VPS52: variants seen among roughly 807,000 people sequenced by gnomAD.
VPS52 encodes VPS52 subunit of GARP complex, also known as vacuolar protein sorting-associated protein 52 homolog.
Under a neutral mutation model 98.7 loss-of-function variants are expected in VPS52, and 56 were observed. That is an observed-to-expected ratio of 0.57 (90% CI 0.46 to 0.71). VPS52 has a LOEUF of 0.71. VPS52 is among the 30% of genes least tolerant of loss of function. VPS52 has a pLI of 0.00. For missense variants in VPS52, 742 were observed against 925.9 expected (o/e 0.80, Z 2.58); for synonymous variants, 348 against 346.4 (o/e 1.00, Z -0.05).
intron 17 of VPS52, 123 bp downstream of exon 17, chr6:33,263,361 C>T: frequency 1.2e-6 from 1 of 858,354 alleles, no homozygotes. Context: ...TTCCGCATAC[C>T]TGAGATCCAT....
Position 33,268,916 on chromosome 6 carries a change from T to C in VPS52, c.548+98A>G, listed in dbSNP as rs180957382. On this transcript the variant is annotated intron_variant, in intron 6 of 19. Transcript: ENST00000445902. The surrounding 1 kb of genome is among the most constrained non-coding windows in gnomAD (Gnocchi z 4.0). ...CTGGCTACTAATTTCTAAAAAGCAC[T>C]TAACCTGGAGCCAGGAGACCCATAT... The C allele has an allele frequency of 5.2e-5, 78 of 1,492,304 alleles. No homozygotes were observed. The allele number at this position is 1,492,304 out of a possible 1,614,324, so 92.4% of individuals were successfully genotyped here. A position where few individuals can be genotyped will look rare whatever the true frequency, so the allele number is the denominator to read the frequency against.
At chr6:33,256,791 A>G (rs1763026945) in intron 17 of VPS52, among the ~76,000 whole-genome samples, 1 of 148,322 alleles carries the variant, frequency 6.7e-6, no homozygotes, top group African/African-American at 2.5e-5. Context: ...CAGTGCGCTG[A>G]GATTGTGGCC....
rs772451675 is a variant in VPS52 at position 33,264,022 on chromosome 6, G to A, written c.1606C>T (p.Leu536=). ...CCGACCCTCACCTGCAGCTGTCCCAGCAATTGCATGGTCCGTTCATTAGGA... is the reference window on the plus strand; with the variant it reads ...CCGACCCTCACCTGCAGCTGTCCCAACAATTGCATGGTCCGTTCATTAGGA... ...TIPNERTMQL[L]GQLQVEVENF... The change falls in exon 15 of 20, where the codon CTG becomes TTG. Residue 536 remains leucine, a synonymous_variant. Transcript: ENST00000445902. The A allele has an allele frequency of 6.2e-7, 1 of 1,614,222 alleles. No homozygotes were observed. Among genetic ancestry groups the A allele is most frequent in the Non-Finnish European group, 8.5e-7 (1 of 1,180,040 alleles).
chr6:33,253,655 T>C (rs188889572), intron 17 of VPS52, among the ~76,000 whole-genome samples: 4 of 151,950 alleles, frequency 2.6e-5, no homozygotes, highest in African/African-American at 9.7e-5. Context: ...CTTAGGAGGC[T>C]GAGGTGGGAG....
At chr6:33,264,310 C>A in intron 14 of VPS52, 64 bp downstream of exon 14, 2 of 1,595,086 alleles carry the variant, frequency 1.3e-6, no homozygotes, top group Non-Finnish European at 1.7e-6. Flanking sequence ...CCTTGGCCAA[C>A]CCCCACAATG....
intron 12 of VPS52, among the ~76,000 whole-genome samples, chr6:33,265,928 G>A (rs1199346284): frequency 2.6e-5 from 4 of 151,780 alleles, no homozygotes; most frequent in African/African-American, 9.7e-5. Flanking sequence ...GTGCAATGGC[G>A]CAATCTTGGC....
chr6:33,251,116 G>A, intron 19 of VPS52, 129 bp from the exon 20 acceptor site: 1 of 1,306,232 alleles, frequency 7.7e-7, no homozygotes, highest in Non-Finnish European at 1.1e-6. Context: ...GGCCATGGCG[G>A]GCAGATCACG....
At position 33,263,492 on chromosome 6, in the gene VPS52, G is replaced by A; in HGVS notation, c.1786C>T (p.Arg596Trp). Residue 596 changes from arginine to tryptophan, a missense_variant, in exon 17 of 20, where the codon CGG (arginine) becomes TGG (tryptophan). Arg to Trp is a moderately radical substitution (Grantham distance 101). Around this residue, in one of 2 missense-constraint regions of VPS52, gnomAD observed 590 missense variants for 793.3 expected, o/e 0.74. Transcript: ENST00000445902. ...VESFQQLLNA[R>W]TQEFIEELLS... is the part of the protein sequence containing the mutation. ...TTTCCCCACACCCCTACCTGTGTCC[G>A]AGCATTGAGCAGCTGCTGGAAGCTC... 2 of 1,613,596 alleles carry A rather than the reference G, an allele frequency of 1.2e-6. No individual in the cohort carries two copies. The highest frequency in any genetic ancestry group is 8.5e-7 in the Non-Finnish European group (1 of 1,179,964).
chr6:33,262,040 CAAAAAAAA>C (rs9257102), intron 17 of VPS52, among the ~76,000 whole-genome samples: 8 of 15,362 alleles, frequency 5.2e-4, no homozygotes, highest in African/African-American at 1.6e-3. Context: ...AACTCCATCT[CAAAAAAAA>C]AAAAAAAAAA....
intron 1 of VPS52, among the ~76,000 whole-genome samples, chr6:33,270,821 G>GCTAC (rs1324249914): frequency 6.6e-6 from 1 of 152,032 alleles, no homozygotes; most frequent in Non-Finnish European, 1.5e-5. Flanking sequence ...CGCGGTGGCG[G>GCTAC]GCGCCTGTAG....
intron 17 of VPS52, among the ~76,000 whole-genome samples, chr6:33,255,810 A>G (rs901864782): frequency 7.9e-5 from 12 of 151,434 alleles, no homozygotes; most frequent in Admixed American, 2.6e-4. Context: ...AAAAAAAAAA[A>G]AAAAGAAATG....
intron 1 of VPS52, 33 bp from the exon 2 acceptor site, chr6:33,270,316 C>A (rs374858353): frequency 1.3e-6 from 2 of 1,563,302 alleles, no homozygotes; most frequent in South Asian, 2.3e-5. Context: ...GAGTAGGGTA[C>A]GGTGAAAGAC....
chr6:33,268,731 C>G lies in VPS52; in HGVS notation c.549-82G>C. ...CAGACCCAGACCACACTCCTTACCT[C>G]CAGCCCCTGTCATCTCTACCACCTT... On this transcript the variant is annotated intron_variant, in intron 6 of 19. Coordinates refer to ENST00000445902, the MANE Select transcript of VPS52 (RefSeq NM_022553.6). The surrounding 1 kb of genome is among the most constrained non-coding windows in gnomAD (Gnocchi z 4.0). The G allele has an allele frequency of 1.4e-6, 2 of 1,461,904 alleles. No individual in the cohort carries two copies. The highest frequency in any genetic ancestry group is 1.3e-5 in the South Asian group (1 of 74,912). 90.6% of individuals were successfully genotyped at this position (1,461,904 alleles called of 1,614,324 possible).
At chr6:33,259,907 C>A (rs192398381) in intron 17 of VPS52, among the ~76,000 whole-genome samples, 2 of 152,218 alleles carry the variant, frequency 1.3e-5, no homozygotes, top group Admixed American at 6.5e-5. Context: ...CTCATAAAGA[C>A]TAATACTGCA....
intron 14 of VPS52, 89 bp downstream of exon 14, chr6:33,264,285 A>G (rs1764009286): frequency 6.3e-7 from 1 of 1,583,078 alleles, no homozygotes; most frequent in Non-Finnish European, 8.6e-7. Flanking sequence ...AGCGTGGCCC[A>G]TGACACAACT....
rs201308569 is a variant in VPS52, at chr6:33,263,560, A to G, written c.1729-11T>C. On this transcript the variant is annotated splice_polypyrimidine_tract_variant and intron_variant, in intron 16 of 19. Transcript: ENST00000445902. ...ATCTGCAGCCCGCTCCTAAGGGAAG[A>G]CAAAGGGAAATGTCTAGTTTGGGGA... is the stretch of plus-strand genomic sequence containing the variant. 5.3e-4 allele frequency: 848 copies of G among 1,614,160 alleles called. 2 individuals are homozygous for G. Among genetic ancestry groups the G allele is most frequent in the Non-Finnish European group, 6.3e-4 (746 of 1,180,028 alleles).
In VPS52 at chr6:33,266,598, G is replaced by C. The variant is rs1011466830; in HGVS notation, c.1240C>G (p.Leu414Val). Residue 414 changes from leucine to valine, a missense_variant, in exon 12 of 20, where the codon CTG becomes GTG. By Grantham distance (32) the Leu-to-Val change is conservative. This residue lies in a region of VPS52 where 590 missense variants were observed against 793.3 expected (regional missense o/e 0.74). Coordinates refer to ENST00000445902, the MANE Select transcript of VPS52 (RefSeq NM_022553.6). ...GTACGGCCCATGACAGCATGGAACAGGTCGTGTGCAGCTGGGCCAGACACA... is the reference window on the plus strand; with the variant it reads ...GTACGGCCCATGACAGCATGGAACACGTCGTGTGCAGCTGGGCCAGACACA... ...FVVSGPAAHDLFHAVMGRTLS... is the reference protein window; with the variant it reads ...FVVSGPAAHDVFHAVMGRTLS... 9.3e-6 allele frequency: 15 copies of C among 1,612,592 alleles called. No individual in the cohort carries two copies. Among genetic ancestry groups the C allele is most frequent in the Non-Finnish European group, 1.3e-5 (15 of 1,179,802 alleles).
chr6:33,266,605 T>C lies in VPS52; in HGVS notation c.1233A>G (p.Ala411=). The C allele has an allele frequency of 6.2e-7, 1 of 1,612,808 alleles. No individual in the cohort carries two copies. The highest frequency in any genetic ancestry group is 8.5e-7 in the Non-Finnish European group (1 of 1,179,938). The change falls in exon 12 of 20, where the codon GCA becomes GCG. Residue 411 remains alanine (A), a synonymous_variant. Transcript: ENST00000445902. Reference sequence around the variant, plus strand: ...CCATGACAGCATGGAACAGGTCGTGTGCAGCTGGGCCAGACACAACAAAAA... The same window carrying C: ...CCATGACAGCATGGAACAGGTCGTGCGCAGCTGGGCCAGACACAACAAAAA... ...CEFFVVSGPA[A]HDLFHAVMGR...
chr6:33,258,259 C>G (rs547819202), intron 17 of VPS52, among the ~76,000 whole-genome samples: 1 of 151,830 alleles, frequency 6.6e-6, no homozygotes, highest in South Asian at 2.1e-4. Flanking sequence ...TGGTAGCACA[C>G]GCCTGTAATC....
Sources: allele counts gnomAD v4.1 joint callset (sites outside exome capture counted in the v4.1 genomes callset), GRCh38; gene constraint gnomAD v4.1.1; regional missense constraint gnomAD v4.1.1; non-coding constraint Gnocchi (gnomAD v3.1); transcripts MANE v1.5; gene names NCBI Gene and HGNC (gene_info 2026-07-23, HGNC 2026-07-21).